Variants in KIAA1328 observed in about 807,000 individuals in gnomAD.
KIAA1328 encodes protein hinderin.
Under a neutral mutation model 68.1 loss-of-function variants are expected in KIAA1328, and 52 were observed. That is an observed-to-expected ratio of 0.76 (90% CI 0.61 to 0.96). KIAA1328 has a LOEUF of 0.96. KIAA1328 is among the 40% of genes least tolerant of loss of function. KIAA1328 has a pLI of 0.00. For missense variants in KIAA1328, 641 were observed against 677.6 expected (o/e 0.95, Z 0.60); for synonymous variants, 232 against 239.4 (o/e 0.97, Z 0.28).
chr18:36,971,941 A>G (rs2052235656), intron 6 of KIAA1328, among the ~76,000 whole-genome samples: 1 of 152,206 alleles, frequency 6.6e-6, no homozygotes, highest in South Asian at 2.1e-4. Flanking sequence ...AATAATCTGT[A>G]CATCAAAGCC....
intron 9 of KIAA1328, among the ~76,000 whole-genome samples, chr18:37,189,061 AC>A (rs1446391809): frequency 6.6e-6 from 1 of 152,184 alleles, no homozygotes; most frequent in Non-Finnish European, 1.5e-5. Flanking sequence ...AGGAAAAAAA[AC>A]GAATTCTTTT....
chr18:36,841,371 G>T (rs1039983596), intron 3 of KIAA1328, among the ~76,000 whole-genome samples: 3 of 151,566 alleles, frequency 2.0e-5, no homozygotes, highest in South Asian at 2.1e-4. Flanking sequence ...AATAGATGGT[G>T]TTGGGCCCAT....
At chr18:37,069,498 T>C (rs2056456999) in intron 7 of KIAA1328, among the ~76,000 whole-genome samples, 1 of 152,190 alleles carries the variant, frequency 6.6e-6, no homozygotes, top group African/African-American at 2.4e-5. Flanking sequence ...GTCCTTGTCT[T>C]GTTTCGGTAT....
intron 5 of KIAA1328, among the ~76,000 whole-genome samples, chr18:36,954,809 G>A (rs540399421): frequency 4.0e-5 from 6 of 150,646 alleles, no homozygotes; most frequent in South Asian, 2.1e-4. Flanking sequence ...ATTGTCTTGC[G>A]ACAGCCTCCT....
intron 4 of KIAA1328, among the ~76,000 whole-genome samples, chr18:36,857,003 C>T (rs1004533625): frequency 6.6e-6 from 1 of 152,160 alleles, no homozygotes; most frequent in Non-Finnish European, 1.5e-5. Flanking sequence ...CATACTCTCT[C>T]AGTCATTTTA....
intron 9 of KIAA1328, among the ~76,000 whole-genome samples, chr18:37,199,167 G>T (rs183040491): frequency 3.9e-5 from 6 of 152,226 alleles, no homozygotes; most frequent in Non-Finnish European, 5.9e-5. Flanking sequence ...TGTGTCATGG[G>T]GGTTTATTGT....
intron 5 of KIAA1328, among the ~76,000 whole-genome samples, chr18:36,914,912 A>C (rs997511191): frequency 2.0e-5 from 3 of 152,186 alleles, no homozygotes; most frequent in African/African-American, 7.2e-5. Flanking sequence ...TTATGAAAGA[A>C]ATGAACAGAT....
chr18:36,898,090 A>G (rs1598640776), intron 5 of KIAA1328, among the ~76,000 whole-genome samples: 1 of 152,076 alleles, frequency 6.6e-6, no homozygotes, highest in African/African-American at 2.4e-5. Flanking sequence ...ATGAAAATAT[A>G]AAGATGATAA....
intron 7 of KIAA1328, among the ~76,000 whole-genome samples, chr18:37,131,646 AAC>A (rs1470050922): frequency 6.6e-6 from 1 of 152,220 alleles, no homozygotes; most frequent in Non-Finnish European, 1.5e-5. Context: ...CTCAACAGAT[AAC>A]AGTTTCAAAT....
intron 9 of KIAA1328, among the ~76,000 whole-genome samples, chr18:37,203,252 A>G (rs989493735): frequency 6.6e-6 from 1 of 152,102 alleles, no homozygotes; most frequent in Non-Finnish European, 1.5e-5. Flanking sequence ...ACCACACAAG[A>G]TAAGATTTTC....
At chr18:36,829,281 G>T in intron 1 of KIAA1328, 85 bp downstream of exon 1, 1 of 1,440,816 alleles carries the variant, frequency 6.9e-7, no homozygotes. Flanking sequence ...TCCGAGAGCG[G>T]AGGAGAAGCT....
At chr18:36,926,383 C>T (rs891482380) in intron 5 of KIAA1328, among the ~76,000 whole-genome samples, 4 of 147,024 alleles carry the variant, frequency 2.7e-5, no homozygotes, top group African/African-American at 1.0e-4. Context: ...CTCTCTCTCT[C>T]TATTTATTTA....
intron 6 of KIAA1328, among the ~76,000 whole-genome samples, chr18:37,065,932 G>A (rs1231865137): frequency 6.6e-6 from 1 of 152,180 alleles, no homozygotes; most frequent in Non-Finnish European, 1.5e-5. Flanking sequence ...CCCAGGCCAA[G>A]CTCAACAGTA....
At chr18:36,968,550 A>G (rs1343683169) in intron 6 of KIAA1328, among the ~76,000 whole-genome samples, 1 of 152,266 alleles carries the variant, frequency 6.6e-6, no homozygotes, top group Non-Finnish European at 1.5e-5. Flanking sequence ...AGGCCATTAC[A>G]TAATGGCAAA....
chr18:36,834,770 T>C (rs2046616073), intron 2 of KIAA1328, among the ~76,000 whole-genome samples: 1 of 152,228 alleles, frequency 6.6e-6, no homozygotes. Context: ...CCTCATTATA[T>C]AGGGTGAAAA....
chr18:37,155,488 T>C (rs2059133049), intron 7 of KIAA1328, among the ~76,000 whole-genome samples: 1 of 152,226 alleles, frequency 6.6e-6, no homozygotes, highest in African/African-American at 2.4e-5. Flanking sequence ...CTACCCTTTT[T>C]AAATCCTAAA....
At chr18:37,014,480 G>A (rs539193398) in intron 6 of KIAA1328, among the ~76,000 whole-genome samples, 46 of 152,264 alleles carry the variant, frequency 3.0e-4, no homozygotes, top group African/African-American at 9.6e-4. Flanking sequence ...TTCTCGCATT[G>A]CTGTAGAGAA....
chr18:37,013,887 C>T (rs945198534), intron 6 of KIAA1328, among the ~76,000 whole-genome samples: 7 of 152,294 alleles, frequency 4.6e-5, no homozygotes, highest in Middle Eastern at 3.4e-3. Flanking sequence ...GGTTGAATGG[C>T]AGTTCTGTTT....
intron 5 of KIAA1328, among the ~76,000 whole-genome samples, chr18:36,908,832 G>C (rs936435168): frequency 2.6e-5 from 4 of 152,030 alleles, no homozygotes; most frequent in Non-Finnish European, 5.9e-5. Context: ...TATGTTAATT[G>C]AGCAGTTCTC....
Sources: allele counts gnomAD v4.1 joint callset (sites outside exome capture counted in the v4.1 genomes callset), GRCh38; gene constraint gnomAD v4.1.1; transcripts MANE v1.5; gene names NCBI Gene and HGNC (gene_info 2026-07-23, HGNC 2026-07-21).